The following SDK1 variants were observed in gnomAD, a reference collection of about 807,000 sequenced individuals.
The protein encoded by SDK1 is protein sidekick-1.
A neutral mutation model predicts 245.5 loss-of-function variants in SDK1; 157 were observed. The ratio of observed to expected loss-of-function variants is 0.64; its 90% confidence interval spans 0.56 to 0.73. The LOEUF is 0.73. Among genes scored for constraint, SDK1 ranks in the 30% least tolerant of loss-of-function variants. The probability of loss-of-function intolerance (pLI) is 0.00; values close to 1 mark genes in which losing one functional copy is unlikely to be tolerated. For missense variants in SDK1, 3,583 were observed against 3,002.3 expected (o/e 1.19, Z -4.52); for synonymous variants, 1,647 against 1,278.5 (o/e 1.29, Z -6.15).
chr7:3,731,457 A>C (rs187601518), intron 4 of SDK1, among the ~76,000 whole-genome samples: 75 of 152,334 alleles, frequency 4.9e-4, no homozygotes, highest in African/African-American at 1.6e-3. Flanking sequence ...CAAGGAAGCC[A>C]GCTGACAGCT....
At chr7:3,891,735 C>A (rs111729036) in intron 5 of SDK1, among the ~76,000 whole-genome samples, 66 of 152,272 alleles carry the variant, frequency 4.3e-4, no homozygotes, top group African/African-American at 1.5e-3. Context: ...CTAAAGGTTT[C>A]GGCGCAAGAG....
intron 4 of SDK1, among the ~76,000 whole-genome samples, chr7:3,798,503 C>A (rs865901765): frequency 6.6e-6 from 1 of 152,110 alleles, no homozygotes; most frequent in African/African-American, 2.4e-5. Flanking sequence ...AGGTGTGAAC[C>A]ACTGCACCCA....
At chr7:3,498,584 C>G (rs888559796) in intron 1 of SDK1, among the ~76,000 whole-genome samples, 14 of 152,136 alleles carry the variant, frequency 9.2e-5, no homozygotes, top group African/African-American at 3.4e-4. Flanking sequence ...ATAGCTATTA[C>G]TTCTTCCTTT....
At chr7:3,547,093 G>A (rs1361958871) in intron 1 of SDK1, among the ~76,000 whole-genome samples, 2 of 151,928 alleles carry the variant, frequency 1.3e-5, no homozygotes, top group African/African-American at 4.8e-5. Context: ...GTGTGACCTT[G>A]TCTACACTTA....
chr7:3,349,016 T>G (rs960810328), intron 1 of SDK1, among the ~76,000 whole-genome samples: 2 of 151,998 alleles, frequency 1.3e-5, no homozygotes, highest in Non-Finnish European at 2.9e-5. Context: ...ACTGTGGCAT[T>G]TATGTGACTG....
At chr7:4,057,412 C>A (rs991764040) in intron 19 of SDK1, among the ~76,000 whole-genome samples, 2 of 152,204 alleles carry the variant, frequency 1.3e-5, no homozygotes, top group Non-Finnish European at 2.9e-5. Flanking sequence ...TTCCTACACA[C>A]CACCCCTGGG....
chr7:4,025,231 G>A (rs1212546790), intron 17 of SDK1, among the ~76,000 whole-genome samples: 1 of 152,220 alleles, frequency 6.6e-6, no homozygotes, highest in Non-Finnish European at 1.5e-5. Context: ...CAGCAATACA[G>A]CAACACTGTT....
At chr7:4,058,399 G>A (rs889466554) in intron 19 of SDK1, among the ~76,000 whole-genome samples, 1 of 152,124 alleles carries the variant, frequency 6.6e-6, no homozygotes, top group Non-Finnish European at 1.5e-5. Flanking sequence ...GTCCCAGAAG[G>A]TGAAAAGAAA....
At chr7:3,589,398 ACT>A (rs776544943) in intron 1 of SDK1, among the ~76,000 whole-genome samples, 2 of 151,648 alleles carry the variant, frequency 1.3e-5, no homozygotes. Flanking sequence ...CAGTGCACAG[ACT>A]CTTCCCGTGC....
At chr7:3,734,285 G>C (rs1779261526) in intron 4 of SDK1, among the ~76,000 whole-genome samples, 1 of 152,192 alleles carries the variant, frequency 6.6e-6, no homozygotes, top group Non-Finnish European at 1.5e-5. Context: ...TGGAAGAAAT[G>C]GAAGGATGGA....
rs192056754 is a variant in SDK1 at position 3,957,084 on chromosome 7, A to G, written c.1151-1847A>G. ...GAAGAGTGAAAAAAATAGTTGCAAA[A>G]GTTACACTCGATGACCTCCTTTCTG... On this transcript the variant is annotated intron_variant, in intron 7 of 44. Transcript: ENST00000404826. 1.6e-3 allele frequency among the ~76,000 whole-genome samples: 251 copies of G among 152,278 alleles called. 1 individual carries two copies. Among genetic ancestry groups the G allele is most frequent in the African/African-American group, 5.9e-3 (245 of 41,544 alleles).
intron 35 of SDK1, among the ~76,000 whole-genome samples, chr7:4,192,080 C>T (rs1401268319): frequency 6.6e-6 from 1 of 152,200 alleles, no homozygotes; most frequent in African/African-American, 2.4e-5. Flanking sequence ...ATAGGGAAAT[C>T]TCAAGCATAC....
chr7:3,420,157 G>A (rs919103816), intron 1 of SDK1, among the ~76,000 whole-genome samples: 1 of 152,180 alleles, frequency 6.6e-6, no homozygotes, highest in South Asian at 2.1e-4. Flanking sequence ...ATTCAATGTG[G>A]TGTCCTTTGA....
intron 4 of SDK1, among the ~76,000 whole-genome samples, chr7:3,672,775 A>ATATATG (rs1783752331): frequency 1.0e-5 from 1 of 96,158 alleles, no homozygotes; most frequent in African/African-American, 3.9e-5. Flanking sequence ...ATATATATAT[A>ATATATG]TATATATATA....
At chr7:3,375,092 A>C (rs1169797811) in intron 1 of SDK1, among the ~76,000 whole-genome samples, 1 of 152,194 alleles carries the variant, frequency 6.6e-6, no homozygotes, top group African/African-American at 2.4e-5. Context: ...GATGCTGCAT[A>C]CGCATTTTCC....
In SDK1 at chr7:3,639,205, G is replaced by A. The variant is rs144457330; in HGVS notation, c.565+95G>A. ...CTTTTCACCATTGTAGGAACTGAGA[G>A]TTTATCTTTGGTTCTATTTTGAGTA... On this transcript the variant is annotated intron_variant, in intron 3 of 44. Coordinates refer to ENST00000404826, the MANE Select transcript of SDK1 (RefSeq NM_152744.4). 277 of 622,280 alleles carry A rather than the reference G, an allele frequency of 4.5e-4. 3 individuals carry two copies. In the East Asian group the frequency reaches 5.6e-3, roughly 12 times the overall value. The allele number at this position is 622,280 out of a possible 1,614,324, so 38.5% of individuals were successfully genotyped here.
intron 1 of SDK1, among the ~76,000 whole-genome samples, chr7:3,436,849 C>T (rs900630914): frequency 2.6e-5 from 4 of 152,112 alleles, no homozygotes; most frequent in Non-Finnish European, 4.4e-5. Context: ...TTTAAAAACT[C>T]GTCTACCCTC....
intron 20 of SDK1, 104 bp downstream of exon 20, chr7:4,068,040 A>G: frequency 3.9e-6 from 3 of 775,500 alleles, no homozygotes; most frequent in Non-Finnish European, 6.3e-6. Flanking sequence ...ACCCGTGCCC[A>G]TGGCCTTCTC....
chr7:3,308,711 G>C (rs939079381), intron 1 of SDK1, among the ~76,000 whole-genome samples: 7 of 152,080 alleles, frequency 4.6e-5, no homozygotes, highest in African/African-American at 1.7e-4. Context: ...GAATGGGCTA[G>C]ACCCTGGGGT....
Sources: gnomAD v4.1 joint callset for allele counts (sites outside exome capture counted in the v4.1 genomes callset) on GRCh38, gnomAD v4.1.1 for gene constraint, MANE v1.5 for transcripts, NCBI Gene and HGNC (gene_info 2026-07-23, HGNC 2026-07-21) for gene names.